Variants in MEI4 observed in about 807,000 individuals in gnomAD.
The protein encoded by MEI4 is meiotic double-stranded break formation protein 4.
In MEI4, 27 loss-of-function variants were observed where a neutral mutation model predicts 31.4. The ratio of observed to expected loss-of-function variants is 0.86; its 90% CI spans 0.63 to 1.19. The LOEUF (loss-of-function observed/expected upper bound fraction) is 1.19. Ranked by LOEUF, MEI4 falls within the 50% of genes most tolerant of loss-of-function variation. MEI4 has a pLI of 0.00. For synonymous variants in MEI4, 122 were observed against 145.4 expected (o/e 0.84, Z 1.16); for missense variants, 329 against 398.9 (o/e 0.82, Z 1.49).
chr6:77,919,451 G>A lies in MEI4; in HGVS notation c.901-3638G>A, dbSNP rs533594187. The stretch of plus-strand genomic sequence containing the variant: ...AATAAAGATGTTCTTTGAAACCAAC[G>A]AGAACAAAGACACAACATACCAGAA... On this transcript the variant is annotated intron_variant, in intron 4 of 4. Coordinates refer to ENST00000684080, the MANE Select transcript of MEI4 (RefSeq NM_001322247.2). Among the ~76,000 whole-genome samples the A allele has an allele frequency of 1.5e-3, 227 of 152,000 alleles. 1 individual carries two copies. Among genetic ancestry groups the A allele is most frequent in the African/African-American group, 4.5e-3 (188 of 41,490 alleles).
intron 3 of MEI4, among the ~76,000 whole-genome samples, chr6:77,802,944 T>C (rs1282381364): frequency 6.6e-5 from 10 of 152,184 alleles, no homozygotes; most frequent in African/African-American, 2.2e-4. Flanking sequence ...CTTACAATTA[T>C]GTGTCTTGGA....
chr6:77,788,319 A>AGCATTCCCTTTGAATGCTG (rs1463400355), intron 3 of MEI4, among the ~76,000 whole-genome samples: 2 of 152,198 alleles, frequency 1.3e-5, no homozygotes, highest in African/African-American at 4.8e-5. Flanking sequence ...AAAAACTTGA[A>AGCATTCCCTTTGAATGCTG]GCATTCCCTT....
intron 3 of MEI4, among the ~76,000 whole-genome samples, chr6:77,767,396 A>G (rs1435788104): frequency 6.6e-6 from 1 of 150,736 alleles, no homozygotes; most frequent in Non-Finnish European, 1.5e-5. Flanking sequence ...ATGAATAAAT[A>G]AATAAATAAA....
intron 4 of MEI4, among the ~76,000 whole-genome samples, chr6:77,884,855 A>G (rs1771582333): frequency 6.6e-6 from 1 of 152,138 alleles, no homozygotes; most frequent in Non-Finnish European, 1.5e-5. Context: ...GTGGTTGTAT[A>G]CAAATATTAG....
chr6:77,834,597 T>C (rs1433072881), intron 4 of MEI4, among the ~76,000 whole-genome samples: 2 of 151,996 alleles, frequency 1.3e-5, no homozygotes, highest in Non-Finnish European at 2.9e-5. Context: ...TATTCTGCTT[T>C]GCCAGTCCAG....
rs141083261 is a variant in MEI4 at position 77,903,965 on chromosome 6, G to C, written c.901-19124G>C. Among the ~76,000 whole-genome samples, 209 of 152,238 alleles carry C rather than the reference G, an allele frequency of 1.4e-3. 1 individual carries two copies. The highest frequency in any genetic ancestry group is 4.4e-3 in the African/African-American group (183 of 41,566). Reference sequence around the variant, plus strand: ...TACTTAAAGGTCAAGTCAGTCACTTGTAGGCAGCATTTAATTGGCTAATAT... The same window carrying C: ...TACTTAAAGGTCAAGTCAGTCACTTCTAGGCAGCATTTAATTGGCTAATAT... On this transcript the variant is annotated intron_variant, in intron 4 of 4. Coordinates refer to ENST00000684080, the MANE Select transcript of MEI4 (RefSeq NM_001322247.2).
chr6:77,835,380 AC>A lies in MEI4; in HGVS notation c.900+6319del, dbSNP rs1161377035. Among the ~76,000 whole-genome samples the A allele has an allele frequency of 8.6e-5, 7 of 81,504 alleles. No individual in the cohort carries two copies. The East Asian group carries it at 1.5e-3, about 18-fold the overall frequency. The allele number at this position is 81,504 out of a possible 152,430, so 53.5% of individuals were successfully genotyped here. A position where few individuals can be genotyped will look rare whatever the true frequency, so the allele number is the denominator to read the frequency against. On this transcript the variant is annotated intron_variant, in intron 4 of 4. Coordinates refer to ENST00000684080, the MANE Select transcript of MEI4 (RefSeq NM_001322247.2). ...CATAAGAAAACAAAACAAAACACAC[AC>A]ACACACACACACACACACACACAAA...
chr6:77,789,942 A>G (rs1432174731), intron 3 of MEI4, among the ~76,000 whole-genome samples: 4 of 152,156 alleles, frequency 2.6e-5, no homozygotes, highest in African/African-American at 4.8e-5. Context: ...GCTGCTATAA[A>G]GACACATGCA....
At chr6:77,677,388 T>C (rs888226016) in intron 1 of MEI4, among the ~76,000 whole-genome samples, 1 of 152,174 alleles carries the variant, frequency 6.6e-6, no homozygotes, top group African/African-American at 2.4e-5. Flanking sequence ...CTCTTTTGTT[T>C]CTGCCTTCTT....
At chr6:77,782,702 T>C (rs1768625248) in intron 3 of MEI4, among the ~76,000 whole-genome samples, 1 of 152,178 alleles carries the variant, frequency 6.6e-6, no homozygotes, top group Non-Finnish European at 1.5e-5. Flanking sequence ...CTGTTTATTG[T>C]CATCTATAGG....
Position 77,690,686 on chromosome 6 carries a change from A to G in MEI4, c.15A>G (p.Lys5=). 3 of 1,231,154 alleles carry G rather than the reference A, an allele frequency of 2.4e-6. 1 individual carries two copies. The South Asian group carries it at 1.2e-4, about 51-fold the overall frequency. 76.3% of individuals were successfully genotyped at this position (1,231,154 alleles called of 1,614,324 possible). Residue 5 remains lysine (K), a synonymous_variant, in exon 2 of 5, where the codon AAA becomes AAG. Transcript: ENST00000684080. ...CAAAAGCCAGGATGGATGTTCAAAAATGGTATTTGAGAACTTCAAAGCTGG... is the reference window on the plus strand; with the variant it reads ...CAAAAGCCAGGATGGATGTTCAAAAGTGGTATTTGAGAACTTCAAAGCTGG... MDVQ[K]WYLRTSKLAL... is the part of the protein sequence containing the mutation.
At chr6:77,869,871 G>T (rs1771150198) in intron 4 of MEI4, among the ~76,000 whole-genome samples, 1 of 152,134 alleles carries the variant, frequency 6.6e-6, no homozygotes, top group African/African-American at 2.4e-5. Context: ...TACGAGAGTG[G>T]CTGATTGGAT....
At chr6:77,841,333 A>ATATATATATATATATATATTTTTTTTTT in intron 4 of MEI4, among the ~76,000 whole-genome samples, 2 of 27,746 alleles carry the variant, frequency 7.2e-5, no homozygotes, top group African/African-American at 6.5e-4. Context: ...ATATATATAT[A>ATATATATATATATATATATTTTTTTTTT]TTTTTTTTTT....
intron 2 of MEI4, among the ~76,000 whole-genome samples, chr6:77,706,858 A>G (rs1170974520): frequency 6.6e-6 from 1 of 152,198 alleles, no homozygotes; most frequent in Non-Finnish European, 1.5e-5. Flanking sequence ...ACCAGAAGCC[A>G]AGCGGATGCT....
rs1031468045 is a variant in MEI4, at chr6:77,691,003, T to C, written c.232+100T>C. 5.0e-6 allele frequency: 3 copies of C among 605,816 alleles called. No individual in the cohort carries two copies. In the African/African-American group the frequency reaches 5.7e-5, roughly 12 times the overall value. The allele number at this position is 605,816 out of a possible 1,614,324, so 37.5% of individuals were successfully genotyped here. On this transcript the variant is annotated intron_variant, in intron 2 of 4. Coordinates refer to ENST00000684080, the MANE Select transcript of MEI4 (RefSeq NM_001322247.2). ...ATTCCCAAAACATGAAAATTTTTAG[T>C]TTCCATGAAAGCTCGACATCTTCTA...
intron 1 of MEI4, among the ~76,000 whole-genome samples, chr6:77,674,079 C>T (rs898968277): frequency 6.6e-6 from 1 of 152,090 alleles, no homozygotes; most frequent in Non-Finnish European, 1.5e-5. Context: ...TAATGTTCTG[C>T]TGCAAAAGGT....
intron 1 of MEI4, among the ~76,000 whole-genome samples, chr6:77,661,358 C>T (rs1170273123): frequency 2.6e-5 from 4 of 151,996 alleles, no homozygotes; most frequent in South Asian, 2.1e-4. Context: ...AAGGCCAAAC[C>T]GAGGAATTAT....
chr6:77,787,449 G>C (rs1768771962), intron 3 of MEI4, among the ~76,000 whole-genome samples: 2 of 152,148 alleles, frequency 1.3e-5, no homozygotes, highest in South Asian at 4.1e-4. Context: ...CATCCCAACA[G>C]CCTTGGACCT....
At chr6:77,904,102 G>A (rs1043475657) in intron 4 of MEI4, among the ~76,000 whole-genome samples, 3 of 151,908 alleles carry the variant, frequency 2.0e-5, no homozygotes, top group Non-Finnish European at 2.9e-5. Flanking sequence ...TTGTTTTCTG[G>A]TTATTTTGTA....
Sources: gnomAD v4.1 joint callset for allele counts (sites outside exome capture counted in the v4.1 genomes callset) on GRCh38, gnomAD v4.1.1 for gene constraint, MANE v1.5 for transcripts, NCBI Gene and HGNC (gene_info 2026-07-23, HGNC 2026-07-21) for gene names.